The following MAPK8 variants were observed in gnomAD, a reference collection of about 807,000 sequenced individuals.
MAPK8 encodes the protein JUN N-terminal kinase.
A neutral mutation model predicts 52.9 loss-of-function variants in MAPK8; 13 were observed. The observed-to-expected ratio is 0.25, with a 90% confidence interval of 0.16 to 0.39. MAPK8 has a LOEUF of 0.39. MAPK8 is among the 10% of genes least tolerant of loss of function. MAPK8 has a pLI of 1.00. For synonymous variants in MAPK8, 191 were observed against 169.8 expected (o/e 1.12, Z -0.97); for missense variants, 300 against 519.2 (o/e 0.58, Z 4.10).
At chr10:48,339,173 C>T (rs368980424) in intron 1 of MAPK8, among the ~76,000 whole-genome samples, 1 of 152,032 alleles carries the variant, frequency 6.6e-6, no homozygotes, top group African/African-American at 2.4e-5. Context: ...TCATATTACC[C>T]AACTTCAGAC....
In MAPK8 at chr10:48,354,164, A is replaced by T. The variant is rs141987409; in HGVS notation, c.-50+47343A>T. On this transcript the variant is annotated intron_variant, in intron 1 of 11. Coordinates refer to ENST00000374189, the MANE Select transcript of MAPK8 (RefSeq NM_001323329.2). ...AAAATTATTTCAAAATTAAAAAAAAATTTTTTTAAATTATCCTAGCTAAAG... is the reference window on the plus strand; with the variant it reads ...AAAATTATTTCAAAATTAAAAAAAATTTTTTTTAAATTATCCTAGCTAAAG... Among the ~76,000 whole-genome samples the T allele has an allele frequency of 9.1e-4, 138 of 152,052 alleles. 1 individual carries two copies. The highest frequency in any genetic ancestry group is 3.3e-3 in the Admixed American group (51 of 15,272).
chr10:48,406,957 C>A (rs550720130), intron 3 of MAPK8, among the ~76,000 whole-genome samples: 115 of 152,296 alleles, frequency 7.6e-4, no homozygotes, highest in Non-Finnish European at 1.5e-3. Flanking sequence ...CCATCTGACT[C>A]CCGTTGTCTT....
intron 1 of MAPK8, among the ~76,000 whole-genome samples, chr10:48,397,471 G>GA (rs1435233437): frequency 6.6e-6 from 1 of 151,996 alleles, no homozygotes; most frequent in African/African-American, 2.4e-5. Flanking sequence ...CTTTTTAAAT[G>GA]AAAAAAATGA....
At chr10:48,331,132 C>T (rs369360929) in intron 1 of MAPK8, among the ~76,000 whole-genome samples, 2 of 152,184 alleles carry the variant, frequency 1.3e-5, no homozygotes, top group Middle Eastern at 3.2e-3. Flanking sequence ...GTCTACCATA[C>T]ATCATCCCAG....
intron 3 of MAPK8, among the ~76,000 whole-genome samples, chr10:48,406,016 C>G (rs1760199690): frequency 6.6e-6 from 1 of 152,098 alleles, no homozygotes; most frequent in South Asian, 2.1e-4. Context: ...GGCCGTTTGT[C>G]AAATGATGAT....
intron 1 of MAPK8, among the ~76,000 whole-genome samples, chr10:48,375,978 A>G (rs1307347925): frequency 6.6e-6 from 1 of 152,200 alleles, no homozygotes. Context: ...ATGCTACCTG[A>G]CTTCAAACTA....
chr10:48,332,308 A>G (rs374428980), intron 1 of MAPK8, among the ~76,000 whole-genome samples: 4 of 152,058 alleles, frequency 2.6e-5, no homozygotes, highest in African/African-American at 9.7e-5. Flanking sequence ...TTTTCTGATC[A>G]CCTTTTTGTT....
intron 11 of MAPK8, among the ~76,000 whole-genome samples, chr10:48,433,051 C>A (rs930715744): frequency 6.6e-6 from 1 of 151,990 alleles, no homozygotes; most frequent in Non-Finnish European, 1.5e-5. Context: ...TTTGGTTTGG[C>A]TAATAGTAAA....
intron 1 of MAPK8, among the ~76,000 whole-genome samples, chr10:48,341,070 G>A (rs1564503965): frequency 6.6e-6 from 1 of 152,182 alleles, no homozygotes; most frequent in Admixed American, 6.5e-5. Context: ...CTGTAAGAGG[G>A]TAAATCTGAT....
At chr10:48,384,419 G>C (rs2041191568) in intron 1 of MAPK8, among the ~76,000 whole-genome samples, 1 of 152,184 alleles carries the variant, frequency 6.6e-6, no homozygotes, top group Non-Finnish European at 1.5e-5. Context: ...TTTATAAATA[G>C]CCAACTAAAT....
At chr10:48,372,925 A>C (rs1252003397) in intron 1 of MAPK8, among the ~76,000 whole-genome samples, 1 of 152,078 alleles carries the variant, frequency 6.6e-6, no homozygotes, top group Non-Finnish European at 1.5e-5. Flanking sequence ...GCCCCAAGAC[A>C]CATAATTGCC....
intron 1 of MAPK8, among the ~76,000 whole-genome samples, chr10:48,379,938 T>TAAAAAAAAAAAAA (rs373050540): frequency 8.6e-6 from 1 of 115,874 alleles, no homozygotes; most frequent in Non-Finnish European, 1.7e-5. Context: ...ACAAAGCTCT[T>TAAAAAAAAAAAAA]AAAAAAAAAA....
In MAPK8 at chr10:48,435,247, T is replaced by C; in HGVS notation, c.*218T>C. 2.2e-6 allele frequency: 1 copy of C among 444,520 alleles called. No homozygotes were observed. The highest frequency in any genetic ancestry group is 4.0e-6 in the Non-Finnish European group (1 of 253,000). 27.5% of individuals were successfully genotyped at this position (444,520 alleles called of 1,614,324 possible). On this transcript the variant is annotated 3_prime_UTR_variant, in exon 12 of 12. Coordinates refer to ENST00000374189, the MANE Select transcript of MAPK8 (RefSeq NM_001323329.2). ...CAACAAAACTGTATTGTATTTTTTT[T>C]GCTGTAATTAACTGTATAATGTAAA...
At chr10:48,346,030 A>G (rs1456098675) in intron 1 of MAPK8, among the ~76,000 whole-genome samples, 1 of 152,200 alleles carries the variant, frequency 6.6e-6, no homozygotes. Flanking sequence ...TATGGGAAGC[A>G]GTAACCATAG....
chr10:48,361,357 A>G (rs1448711075), intron 1 of MAPK8, among the ~76,000 whole-genome samples: 1 of 151,998 alleles, frequency 6.6e-6, no homozygotes, highest in African/African-American at 2.4e-5. Flanking sequence ...TGCCTCTGTA[A>G]TTACCTTATA....
At chr10:48,374,569 C>G (rs1019663700) in intron 1 of MAPK8, among the ~76,000 whole-genome samples, 1 of 152,066 alleles carries the variant, frequency 6.6e-6, no homozygotes, top group African/African-American at 2.4e-5. Flanking sequence ...ACCACTGATC[C>G]CACAGAAATA....
intron 1 of MAPK8, among the ~76,000 whole-genome samples, chr10:48,314,268 C>G (rs1842277476): frequency 6.6e-6 from 1 of 151,940 alleles, no homozygotes; most frequent in African/African-American, 2.4e-5. Context: ...CTAGTCTGTT[C>G]CTCATCCTAT....
At chr10:48,326,959 TTTG>T (rs1474906424) in intron 1 of MAPK8, among the ~76,000 whole-genome samples, 3 of 152,212 alleles carry the variant, frequency 2.0e-5, no homozygotes, top group South Asian at 2.1e-4. Flanking sequence ...TTGTTTGTTT[TTTG>T]TTGTTCAATT....
intron 6 of MAPK8, among the ~76,000 whole-genome samples, chr10:48,422,949 G>A (rs1444067531): frequency 2.0e-5 from 3 of 152,140 alleles, no homozygotes; most frequent in African/African-American, 4.8e-5. Flanking sequence ...TAAAGGGCAC[G>A]TGTCTTTCTG....
Sources: allele counts gnomAD v4.1 joint callset (sites outside exome capture counted in the v4.1 genomes callset), GRCh38; gene constraint gnomAD v4.1.1; transcripts MANE v1.5; gene names NCBI Gene and HGNC (gene_info 2026-07-23, HGNC 2026-07-21).